The following NDST4 variants were observed in gnomAD, a reference collection of about 807,000 sequenced individuals.
The protein encoded by NDST4 is N-heparan sulfate sulfotransferase 4.
A neutral mutation model predicts 100.8 loss-of-function variants in NDST4; 63 were observed. That is an observed-to-expected ratio of 0.62 (90% CI 0.51 to 0.77). The LOEUF (loss-of-function observed/expected upper bound fraction) is 0.77, where lower values mean the gene tolerates loss of function less well. Among genes scored for constraint, NDST4 ranks in the 30% least tolerant of loss-of-function variants. The pLI, the probability that NDST4 is intolerant of heterozygous loss-of-function variation, is 0.00. For missense variants in NDST4, 943 were observed against 1,018.4 expected, an observed-to-expected ratio of 0.93 and a Z score of 1.01; for synonymous variants, 377 against 361.8, an observed-to-expected ratio of 1.04 and a Z score of -0.48.
chr4:115,000,983 C>A (rs1041470212), intron 2 of NDST4, among the ~76,000 whole-genome samples: 1 of 152,056 alleles, frequency 6.6e-6, no homozygotes, highest in East Asian at 1.9e-4. Flanking sequence ...CTCCCCTGGG[C>A]ACCTTTACAA....
At chr4:114,829,556 G>A (rs376253344) in intron 13 of NDST4, among the ~76,000 whole-genome samples, 1 of 151,966 alleles carries the variant, frequency 6.6e-6, no homozygotes, top group African/African-American at 2.4e-5. Flanking sequence ...TTTTTGAATT[G>A]CATTCAAACA....
At chr4:115,081,702 T>C (rs765435983) in intron 1 of NDST4, among the ~76,000 whole-genome samples, 1 of 152,196 alleles carries the variant, frequency 6.6e-6, no homozygotes, top group Non-Finnish European at 1.5e-5. Context: ...TTAAGTAGTC[T>C]AAGGTGATAC....
chr4:114,849,999 A>G (rs1723638617), intron 8 of NDST4, among the ~76,000 whole-genome samples: 1 of 152,222 alleles, frequency 6.6e-6, no homozygotes, highest in Non-Finnish European at 1.5e-5. Flanking sequence ...AGGGAAATGA[A>G]TTAGCAATAG....
intron 1 of NDST4, among the ~76,000 whole-genome samples, chr4:115,109,159 T>C (rs1304863130): frequency 6.6e-6 from 1 of 150,860 alleles, no homozygotes; most frequent in Non-Finnish European, 1.5e-5. Flanking sequence ...ATAAGAAAAA[T>C]GAGTAAAAGA....
intron 2 of NDST4, among the ~76,000 whole-genome samples, chr4:115,002,775 A>G (rs1727322735): frequency 6.6e-6 from 1 of 152,172 alleles, no homozygotes; most frequent in Non-Finnish European, 1.5e-5. Context: ...AGACACATGC[A>G]CATGTAGGTT....
At chr4:114,915,529 T>A (rs1430066046) in intron 6 of NDST4, among the ~76,000 whole-genome samples, 2 of 152,194 alleles carry the variant, frequency 1.3e-5, no homozygotes, top group African/African-American at 4.8e-5. Flanking sequence ...AAGTTGTTTT[T>A]ATTGGGCAGT....
In NDST4 at chr4:114,900,833, A is replaced by G. The variant is rs982323687; in HGVS notation, c.1537-29883T>C. Reference sequence around the variant, plus strand: ...TTTGCTGCATCTCACAAATTTTGACAAGCTGTGTTCTCATTTTCTTTTACT... The same window carrying G: ...TTTGCTGCATCTCACAAATTTTGACGAGCTGTGTTCTCATTTTCTTTTACT... On this transcript the variant is annotated intron_variant, in intron 6 of 13. Coordinates refer to ENST00000264363, the MANE Select transcript of NDST4 (RefSeq NM_022569.3). 2.6e-5 allele frequency among the ~76,000 whole-genome samples: 4 copies of G among 152,178 alleles called. No homozygotes were observed. In the South Asian group the frequency reaches 8.3e-4, roughly 32 times the overall value.
intron 2 of NDST4, among the ~76,000 whole-genome samples, chr4:115,002,263 C>G (rs1044173309): frequency 6.6e-6 from 1 of 152,084 alleles, no homozygotes; most frequent in African/African-American, 2.4e-5. Flanking sequence ...TGATGATGAG[C>G]TTTTTTTCAT....
chr4:114,987,378 G>A (rs1726937056), intron 2 of NDST4, among the ~76,000 whole-genome samples: 1 of 152,130 alleles, frequency 6.6e-6, no homozygotes, highest in Admixed American at 6.5e-5. Flanking sequence ...GTGTTGGAAG[G>A]CCAGCTTGAT....
intron 6 of NDST4, among the ~76,000 whole-genome samples, chr4:114,875,530 T>C (rs72895243): frequency 0.086 from 13,062 of 152,208 alleles, 1,641 homozygotes; most frequent in African/African-American, 0.27. Flanking sequence ...TAATAGGGAA[T>C]TGAGTAAATA....
At chr4:114,947,045 G>A (rs746963748) in intron 4 of NDST4, among the ~76,000 whole-genome samples, 13 of 151,950 alleles carry the variant, frequency 8.6e-5, no homozygotes, top group African/African-American at 1.2e-4. Flanking sequence ...TAATTTGTGC[G>A]GTAGTTTGAA....
At chr4:114,938,534 G>C (rs1235076651) in intron 4 of NDST4, among the ~76,000 whole-genome samples, 2 of 152,102 alleles carry the variant, frequency 1.3e-5, no homozygotes, top group East Asian at 3.9e-4. Flanking sequence ...CATCAATTGA[G>C]GTTATAAATG....
intron 11 of NDST4, among the ~76,000 whole-genome samples, chr4:114,834,797 G>A (rs568045064): frequency 3.3e-5 from 5 of 152,196 alleles, no homozygotes; most frequent in East Asian, 1.9e-4. Flanking sequence ...ACTTGTTATC[G>A]GTCTATTCAG....
At chr4:115,069,702 C>T (rs189431841) in intron 2 of NDST4, among the ~76,000 whole-genome samples, 105 of 152,132 alleles carry the variant, frequency 6.9e-4, no homozygotes, top group Middle Eastern at 3.4e-3. Context: ...TCAAGACCAG[C>T]CCAGCCAACA....
At chr4:115,021,484 A>C (rs1313110129) in intron 2 of NDST4, among the ~76,000 whole-genome samples, 5 of 149,230 alleles carry the variant, frequency 3.4e-5, no homozygotes, top group Non-Finnish European at 3.0e-5. Flanking sequence ...ACATATACAC[A>C]TTCCATATAT....
chr4:115,021,373 A>C (rs915058117), intron 2 of NDST4, among the ~76,000 whole-genome samples: 3 of 147,264 alleles, frequency 2.0e-5, no homozygotes, highest in African/African-American at 8.1e-5. Flanking sequence ...TACATTCCAT[A>C]TATATATTCC....
intron 2 of NDST4, among the ~76,000 whole-genome samples, chr4:115,056,040 A>C (rs1020472892): frequency 3.9e-5 from 6 of 152,148 alleles, no homozygotes; most frequent in Admixed American, 3.9e-4. Context: ...AATTAATATT[A>C]AGTTGCATTA....
intron 2 of NDST4, among the ~76,000 whole-genome samples, chr4:114,990,972 T>G (rs1048312002): frequency 1.3e-5 from 2 of 152,060 alleles, no homozygotes; most frequent in Non-Finnish European, 2.9e-5. Context: ...ACTAACCTCA[T>G]TTTAATGAGT....
chr4:114,957,902 C>T (rs1726174092), intron 4 of NDST4, among the ~76,000 whole-genome samples: 1 of 152,182 alleles, frequency 6.6e-6, no homozygotes, highest in Non-Finnish European at 1.5e-5. Flanking sequence ...AAAGTGGGTT[C>T]CCATGGTCTT....
Sources: allele counts gnomAD v4.1 joint callset (sites outside exome capture counted in the v4.1 genomes callset), GRCh38; gene constraint gnomAD v4.1.1; transcripts MANE v1.5; gene names NCBI Gene and HGNC (gene_info 2026-07-23, HGNC 2026-07-21).